AK9: variants seen among roughly 807,000 people sequenced by gnomAD.
The protein encoded by AK9 is adenylate kinase 9.
AK9 carries 191 observed loss-of-function variants against 239.6 expected under a neutral mutation model. The ratio of observed to expected loss-of-function variants is 0.80; its 90% CI spans 0.71 to 0.90. AK9 has a LOEUF of 0.90. AK9 is among the 40% of genes least tolerant of loss of function. AK9 has a pLI of 0.00. For synonymous variants in AK9, 689 were observed against 721.0 expected (o/e 0.96, Z 0.71); for missense variants, 1,995 against 2,214.7 (o/e 0.90, Z 1.99).
intron 17 of AK9, among the ~76,000 whole-genome samples, chr6:109,610,063 T>C (rs1429937229): frequency 6.6e-6 from 1 of 152,214 alleles, no homozygotes; most frequent in Non-Finnish European, 1.5e-5. Flanking sequence ...CTAGTACCAA[T>C]ATGCATCATC....
chr6:109,554,095 C>A (rs1784675001), intron 24 of AK9, among the ~76,000 whole-genome samples: 1 of 152,132 alleles, frequency 6.6e-6, no homozygotes, highest in Non-Finnish European at 1.5e-5. Context: ...CTGCTGGATT[C>A]TGTTTGACAG....
Position 109,529,086 on chromosome 6 carries a change from G to C in AK9, c.3571-13C>G, listed in dbSNP as rs1780908183. On this transcript the variant is annotated splice_polypyrimidine_tract_variant and intron_variant, in intron 28 of 40. Coordinates refer to ENST00000424296, the MANE Select transcript of AK9 (RefSeq NM_001145128.3). ...CAATCGTATCAACCTGTTAAAGAAA[G>C]AGACATTAAAAAATTGTAATGGAGA... 6.5e-7 allele frequency: 1 copy of C among 1,546,192 alleles called. No individual in the cohort carries two copies. Among genetic ancestry groups the C allele is most frequent in the Non-Finnish European group, 8.7e-7 (1 of 1,154,704 alleles).
rs1413255647 is a variant in AK9, at chr6:109,655,322, C to T, written c.759+1434G>A. Among the ~76,000 whole-genome samples the T allele has an allele frequency of 3.3e-5, 5 of 152,124 alleles. No homozygotes were observed. The East Asian group carries it at 7.7e-4, about 23-fold the overall frequency. ...TGAAGCTGAACATTTTTTCTACAGGCTTATCATTCTTCATTTTTGTTAATT... is the reference window on the plus strand; with the variant it reads ...TGAAGCTGAACATTTTTTCTACAGGTTTATCATTCTTCATTTTTGTTAATT... On this transcript the variant is annotated intron_variant, in intron 8 of 40. Coordinates refer to ENST00000424296, the MANE Select transcript of AK9 (RefSeq NM_001145128.3).
chr6:109,573,648 A>G, intron 20 of AK9, 54 bp from the exon 21 acceptor site: 2 of 1,489,444 alleles, frequency 1.3e-6, no homozygotes, highest in South Asian at 1.3e-5. Context: ...ACAAATATTT[A>G]TTGGGTGTTG....
intron 17 of AK9, among the ~76,000 whole-genome samples, chr6:109,589,717 T>C (rs1449768058): frequency 6.6e-6 from 1 of 152,212 alleles, no homozygotes; most frequent in Admixed American, 6.5e-5. Flanking sequence ...ATACGGCCTT[T>C]ATTATTTTGA....
In AK9 at chr6:109,528,086, C is replaced by T. The variant is rs183379970; in HGVS notation, c.3633+925G>A. 4.0e-5 allele frequency: 7 copies of T among 173,638 alleles called. No homozygotes were observed. The East Asian group carries it at 1.1e-3, about 27-fold the overall frequency. 10.8% of individuals were successfully genotyped at this position (173,638 alleles called of 1,614,324 possible). A position where few individuals can be genotyped will look rare whatever the true frequency, so the allele number is the denominator to read the frequency against. On this transcript the variant is annotated intron_variant, in intron 29 of 40. Transcript: ENST00000424296. ...CAGCACTCCACCAGGCACTGGAGAG[C>T]AGTGAACAAAGTCAGTGAGAACTGG...
At chr6:109,647,068 T>C (rs9487181) in intron 8 of AK9, among the ~76,000 whole-genome samples, 31,566 of 152,096 alleles carry the variant, frequency 0.21, 3,449 homozygotes, top group South Asian at 0.34. Context: ...CAGGCCCGCC[T>C]TACAAGAGCT....
intron 16 of AK9, 98 bp downstream of exon 16, chr6:109,611,912 G>GA (rs1454708717): frequency 3.6e-6 from 3 of 840,740 alleles, no homozygotes; most frequent in South Asian, 1.7e-5. Context: ...TATTTTTTTT[G>GA]AAAAATCACA....
intron 17 of AK9, among the ~76,000 whole-genome samples, chr6:109,606,602 T>C (rs1562485721): frequency 6.6e-6 from 1 of 152,154 alleles, no homozygotes; most frequent in South Asian, 2.1e-4. Flanking sequence ...AAGGCCCATC[T>C]CCCTAGAGGT....
chr6:109,629,450 T>C (rs982736746), intron 12 of AK9, among the ~76,000 whole-genome samples: 1 of 152,118 alleles, frequency 6.6e-6, no homozygotes, highest in African/African-American at 2.4e-5. Flanking sequence ...AAATGGCCTT[T>C]CTTAGGGCCA....
chr6:109,580,784 G>A (rs921796581), intron 19 of AK9, among the ~76,000 whole-genome samples: 3 of 152,192 alleles, frequency 2.0e-5, no homozygotes, highest in Admixed American at 6.5e-5. Context: ...AGCCCTCTGA[G>A]GCTACTGAGT....
intron 35 of AK9, among the ~76,000 whole-genome samples, 196 bp downstream of exon 35, chr6:109,506,131 G>A (rs577383298): frequency 6.6e-6 from 1 of 151,974 alleles, no homozygotes; most frequent in East Asian, 1.9e-4. Flanking sequence ...ATGAATTTTG[G>A]GTGATACAAA....
At chr6:109,604,114 A>G (rs993143985) in intron 17 of AK9, among the ~76,000 whole-genome samples, 2 of 151,960 alleles carry the variant, frequency 1.3e-5, no homozygotes, top group African/African-American at 4.8e-5. Context: ...AGTGAGATGA[A>G]CCCAGTACCT....
chr6:109,645,749 G>A (rs534963838), intron 8 of AK9, among the ~76,000 whole-genome samples: 1 of 152,338 alleles, frequency 6.6e-6, no homozygotes, highest in African/African-American at 2.4e-5. Context: ...TGGAGAGACT[G>A]CCTCCTCAAG....
chr6:109,545,105 A>G (rs1477242607), intron 26 of AK9, among the ~76,000 whole-genome samples: 1 of 152,192 alleles, frequency 6.6e-6, no homozygotes, highest in East Asian at 1.9e-4. Context: ...GTTTTATACT[A>G]CCACTACCCC....
chr6:109,549,075 A>G (rs1783977267), intron 25 of AK9, among the ~76,000 whole-genome samples: 1 of 152,232 alleles, frequency 6.6e-6, no homozygotes, highest in South Asian at 2.1e-4. Context: ...TGTAACAGAA[A>G]AATGTCCAGG....
intron 24 of AK9, among the ~76,000 whole-genome samples, chr6:109,556,802 G>A (rs957758256): frequency 6.6e-5 from 10 of 151,612 alleles, no homozygotes; most frequent in South Asian, 2.1e-4. Flanking sequence ...CAATTCAACC[G>A]TTGACACTTG....
chr6:109,640,577 ATTTT>A lies in AK9; in HGVS notation c.933+937_933+940del, dbSNP rs60569476. On this transcript the variant is annotated intron_variant, in intron 10 of 40. Transcript: ENST00000424296. ...TTGGCCATCTTGGAACTCCACCCCA[ATTTT>A]TTTTTTTTTTTATTTTTTGTAGGGC... Among the ~76,000 whole-genome samples the A allele has an allele frequency of 1.5e-3, 221 of 149,414 alleles. 2 individuals are homozygous for A. In the Middle Eastern group the frequency reaches 0.038, roughly 26 times the overall value.
chr6:109,561,194 C>T (rs1583011588), intron 24 of AK9, among the ~76,000 whole-genome samples: 2 of 152,030 alleles, frequency 1.3e-5, no homozygotes, highest in Non-Finnish European at 2.9e-5. Context: ...CCTCATGATC[C>T]GCCTGCCTCG....
Sources: allele counts gnomAD v4.1 joint callset (sites outside exome capture counted in the v4.1 genomes callset), GRCh38; gene constraint gnomAD v4.1.1; transcripts MANE v1.5; gene names NCBI Gene and HGNC (gene_info 2026-07-23, HGNC 2026-07-21).